The following ANXA8 variants were observed in gnomAD, a reference collection of about 807,000 sequenced individuals.
ANXA8 encodes annexin A8.
In ANXA8, 9 loss-of-function variants were observed where a neutral mutation model predicts 26.8. The observed-to-expected ratio is 0.34, with a 90% confidence interval of 0.20 to 0.59. The LOEUF (loss-of-function observed/expected upper bound fraction) is 0.59. ANXA8 is among the 20% of genes least tolerant of loss of function. The pLI, the probability that ANXA8 is intolerant of heterozygous loss-of-function variation, is 0.84. For missense variants in ANXA8, 83 were observed against 238.5 expected (o/e 0.35, Z 4.29); for synonymous variants, 39 against 94.8 (o/e 0.41, Z 3.42).
the ANXA8 span, among the ~76,000 whole-genome samples, chr10:47,630,934 C>T: frequency 4.0e-5 from 6 of 149,912 alleles, no homozygotes; most frequent in Non-Finnish European, 8.8e-5. Flanking sequence ...AATTGAATTG[C>T]AATAATATGG....
the ANXA8 span, among the ~76,000 whole-genome samples, chr10:47,492,594 G>A: frequency 9.1e-5 from 13 of 143,532 alleles, no homozygotes; most frequent in African/African-American, 7.9e-5. Context: ...CTGAGCCTCC[G>A]TTTCCTCATC....
the ANXA8 span, among the ~76,000 whole-genome samples, chr10:47,596,930 C>A: frequency 1.4e-5 from 2 of 147,870 alleles, no homozygotes; most frequent in Admixed American, 1.3e-4. Context: ...CATCCTGATA[C>A]CAAAATATGG....
chr10:47,740,345 T>C, the ANXA8 span, among the ~76,000 whole-genome samples: 2 of 147,778 alleles, frequency 1.4e-5, no homozygotes, highest in African/African-American at 5.1e-5. Context: ...AGATCCTTTT[T>C]CTTGGAATTT....
chr10:47,550,901 A>T, the ANXA8 span: 1 of 159,274 alleles, frequency 6.3e-6, no homozygotes, highest in Non-Finnish European at 1.4e-5. Context: ...ATAGAGTAAA[A>T]GGTATCAACC....
chr10:47,555,935 CTT>C, the ANXA8 span, among the ~76,000 whole-genome samples: 1 of 147,106 alleles, frequency 6.8e-6, no homozygotes, highest in African/African-American at 2.5e-5. Context: ...TGAAGTTATA[CTT>C]AATAGCAGAG....
chr10:47,980,428 A>G, the ANXA8 span, among the ~76,000 whole-genome samples: 2 of 151,530 alleles, frequency 1.3e-5, no homozygotes, highest in Admixed American at 6.6e-5. Flanking sequence ...ATTGTAGTGG[A>G]AATAAATAAA....
the ANXA8 span, among the ~76,000 whole-genome samples, chr10:47,618,654 T>C: frequency 8.7e-6 from 1 of 114,738 alleles, no homozygotes; most frequent in Non-Finnish European, 1.9e-5. Context: ...CTGCTCATTA[T>C]TTTGGTCCAT....
chr10:47,622,523 C>T, the ANXA8 span, among the ~76,000 whole-genome samples: 1 of 89,580 alleles, frequency 1.1e-5, no homozygotes, highest in East Asian at 2.3e-4. Flanking sequence ...CATAAACTAG[C>T]ATAGAAGCTT....
At chr10:47,507,743 G>GT in the ANXA8 span, among the ~76,000 whole-genome samples, 1 of 119,520 alleles carries the variant, frequency 8.4e-6, no homozygotes, top group Non-Finnish European at 1.7e-5. Context: ...TCATTTCTTT[G>GT]TTTTTTACAA....
chr10:47,639,121 T>C, the ANXA8 span, among the ~76,000 whole-genome samples: 2 of 149,000 alleles, frequency 1.3e-5, no homozygotes, highest in Non-Finnish European at 3.0e-5. Context: ...TAGTTTTTTG[T>C]TTTTGTTTTT....
At chr10:47,521,753 A>G in the ANXA8 span, among the ~76,000 whole-genome samples, 2 of 151,284 alleles carry the variant, frequency 1.3e-5, no homozygotes, top group South Asian at 2.1e-4. Context: ...GCCTCTGCCA[A>G]CAGTGTAGAG....
chr10:47,563,596 A>C, the ANXA8 span: 4 of 881,352 alleles, frequency 4.5e-6, no homozygotes, highest in Non-Finnish European at 7.8e-6. Context: ...TTTAAAAAAC[A>C]CCACCAGGTA....
At chr10:47,973,255 T>C in the ANXA8 span, 1 of 148,978 alleles carries the variant, frequency 6.7e-6, no homozygotes, top group Non-Finnish European at 1.5e-5. Flanking sequence ...GAGGTCTTCC[T>C]GAGCATCATG....
chr10:47,509,240 T>G, the ANXA8 span, among the ~76,000 whole-genome samples: 1 of 114,450 alleles, frequency 8.7e-6, no homozygotes, highest in African/African-American at 3.8e-5. Flanking sequence ...TCAAAGTAAT[T>G]TTTGTGTATG....
chr10:47,565,769 C>G, the ANXA8 span: 4 of 765,618 alleles, frequency 5.2e-6, no homozygotes, highest in Non-Finnish European at 7.3e-6. Context: ...TTGCGCCCTT[C>G]GGCCGGGCGG....
chr10:47,647,365 G>C, the ANXA8 span, among the ~76,000 whole-genome samples: 2 of 150,820 alleles, frequency 1.3e-5, no homozygotes, highest in Admixed American at 6.6e-5. Context: ...TTCACACCCA[G>C]GGAAATTCTG....
chr10:47,698,757 A>T, the ANXA8 span, among the ~76,000 whole-genome samples: 2 of 152,120 alleles, frequency 1.3e-5, no homozygotes, highest in Non-Finnish European at 2.9e-5. Flanking sequence ...TGGGAAAGAA[A>T]GTTGAGGCTG....
chr10:47,938,695 G>T, the ANXA8 span, among the ~76,000 whole-genome samples: 3 of 146,216 alleles, frequency 2.1e-5, 1 homozygote, highest in African/African-American at 8.1e-5. Flanking sequence ...ATTTTCCACG[G>T]GGCTCTGGGC....
chr10:47,764,105 C>G, the ANXA8 span, among the ~76,000 whole-genome samples: 2 of 151,474 alleles, frequency 1.3e-5, no homozygotes, highest in Non-Finnish European at 2.9e-5. Context: ...GGCGGAGACC[C>G]AGGCCACTTC....
Sources: allele counts gnomAD v4.1 joint callset (sites outside exome capture counted in the v4.1 genomes callset), GRCh38; gene constraint gnomAD v4.1.1; transcripts MANE v1.5; gene names NCBI Gene and HGNC (gene_info 2026-07-23, HGNC 2026-07-21).